The following PTCHD4 variants were observed in gnomAD, a reference collection of about 807,000 sequenced individuals.
The protein encoded by PTCHD4 is patched domain containing 4.
A neutral mutation model predicts 58.1 loss-of-function variants in PTCHD4; 33 were observed. The observed-to-expected ratio is 0.57, with a 90% confidence interval of 0.43 to 0.76. The LOEUF (loss-of-function observed/expected upper bound fraction) is 0.76, where lower values mean the gene tolerates loss of function less well. Among genes scored for constraint, PTCHD4 ranks in the 30% least tolerant of loss-of-function variants. PTCHD4 has a pLI of 0.00. For synonymous variants in PTCHD4, 478 were observed against 409.6 expected (o/e 1.17, Z -2.02); for missense variants, 1,058 against 1,027.1 (o/e 1.03, Z -0.41).
intron 4 of PTCHD4, among the ~76,000 whole-genome samples, chr6:47,992,165 A>C (rs932766834): frequency 6.6e-6 from 1 of 152,166 alleles, no homozygotes; most frequent in Admixed American, 6.5e-5. Flanking sequence ...ATGAAGCTAT[A>C]GTAATATTAG....
At chr6:48,076,442 G>T (rs1372930981) in intron 1 of PTCHD4, among the ~76,000 whole-genome samples, 4 of 152,156 alleles carry the variant, frequency 2.6e-5, no homozygotes, top group Non-Finnish European at 5.9e-5. Flanking sequence ...AAGGTTTTCA[G>T]TTTACTTTGC....
intron 4 of PTCHD4, among the ~76,000 whole-genome samples, chr6:47,899,368 CT>C (rs1197246689): frequency 6.6e-6 from 1 of 152,150 alleles, no homozygotes; most frequent in African/African-American, 2.4e-5. Flanking sequence ...AATATTTCCC[CT>C]GATGGACACC....
chr6:47,976,789 A>G (rs2114001007), intron 4 of PTCHD4, among the ~76,000 whole-genome samples: 1 of 152,148 alleles, frequency 6.6e-6, no homozygotes, highest in South Asian at 2.1e-4. Context: ...AAAAATTTAT[A>G]TTATCAATAT....
intron 4 of PTCHD4, among the ~76,000 whole-genome samples, chr6:47,892,272 T>G (rs529672590): frequency 6.6e-6 from 1 of 152,256 alleles, no homozygotes; most frequent in South Asian, 2.1e-4. Flanking sequence ...GCATATACTT[T>G]AAAAATTAAG....
intron 4 of PTCHD4, among the ~76,000 whole-genome samples, chr6:47,977,053 A>G (rs940862617): frequency 6.6e-6 from 1 of 152,184 alleles, no homozygotes; most frequent in African/African-American, 2.4e-5. Flanking sequence ...GGAGTTTATC[A>G]TAAGGGAATA....
chr6:47,956,160 G>A (rs1053338692), intron 4 of PTCHD4, among the ~76,000 whole-genome samples: 1 of 152,186 alleles, frequency 6.6e-6, no homozygotes, highest in African/African-American at 2.4e-5. Flanking sequence ...CATGAGTGGA[G>A]AGTAAGCTTA....
intron 3 of PTCHD4, among the ~76,000 whole-genome samples, chr6:48,055,498 A>G (rs1214264398): frequency 6.6e-6 from 1 of 152,206 alleles, no homozygotes; most frequent in Non-Finnish European, 1.5e-5. Flanking sequence ...ATAAATTTGA[A>G]CACTGCTTTG....
chr6:47,898,381 C>T (rs1443177641), intron 4 of PTCHD4, among the ~76,000 whole-genome samples: 5 of 152,170 alleles, frequency 3.3e-5, no homozygotes, highest in African/African-American at 1.2e-4. Context: ...GCATAAAAAG[C>T]ACCACTTCCA....
At chr6:47,944,942 G>A (rs1462174910) in intron 4 of PTCHD4, among the ~76,000 whole-genome samples, 4 of 151,996 alleles carry the variant, frequency 2.6e-5, no homozygotes, top group Non-Finnish European at 5.9e-5. Flanking sequence ...CTGTAAGAAA[G>A]GATCCATTTG....
Position 47,980,856 on chromosome 6 carries a change from T to A in PTCHD4, c.898+27778A>T, listed in dbSNP as rs181973564. Among the ~76,000 whole-genome samples the A allele has an allele frequency of 1.4e-4, 22 of 152,036 alleles. No homozygotes were observed. In the East Asian group the frequency reaches 4.2e-3, roughly 29 times the overall value. ...TTTGTCAAATAAATATATATATATT[T>A]AACATTTTAATATTTATAATAGTTG... is the stretch of plus-strand genomic sequence containing the variant. On this transcript the variant is annotated intron_variant, in intron 4 of 4. Transcript: ENST00000339488.
intron 1 of PTCHD4, among the ~76,000 whole-genome samples, chr6:48,098,116 G>A (rs924589531): frequency 1.3e-5 from 2 of 152,028 alleles, no homozygotes; most frequent in Non-Finnish European, 2.9e-5. Context: ...TGGACATCAG[G>A]AAAAGCCCAG....
Position 47,879,664 on chromosome 6 carries a change from CA to C in PTCHD4, c.1170del (p.Gly391AlafsTer3). ...TGGTAGCGGTTTTGCTCTAGTTGGC[CA>C]GCAAAGACCAGACAGGAGCCAAAGA... ...FSFFGSCLVF[A>X]GQLEQNRYHS... On this transcript the variant is annotated frameshift_variant, in exon 5 of 5. Coordinates refer to ENST00000339488, the MANE Select transcript of PTCHD4 (RefSeq NM_001384253.1). LOFTEE classifies it high-confidence loss of function. 1.2e-6 allele frequency: 2 copies of C among 1,613,418 alleles called. No individual in the cohort carries two copies. Among genetic ancestry groups the C allele is most frequent in the Non-Finnish European group, 1.7e-6 (2 of 1,179,688 alleles).
rs963056133 is a variant in PTCHD4 at position 48,068,664 on chromosome 6, T to C, written c.6-23A>G. 28 of 1,526,822 alleles carry C rather than the reference T, an allele frequency of 1.8e-5. No homozygotes were observed. The highest frequency in any genetic ancestry group is 2.1e-5 in the Non-Finnish European group (24 of 1,141,562). The allele number at this position is 1,526,822 out of a possible 1,614,324, so 94.6% of individuals were successfully genotyped here. ...CGTCTTAAAAAGCACATGTGACATG[T>C]GTAAGCGCCGGGCTACCCCGTTCTC... On this transcript the variant is annotated intron_variant, in intron 2 of 4. Coordinates refer to ENST00000339488, the MANE Select transcript of PTCHD4 (RefSeq NM_001384253.1). The surrounding 1 kb of genome is among the most constrained non-coding windows in gnomAD (Gnocchi z 4.2).
intron 4 of PTCHD4, among the ~76,000 whole-genome samples, chr6:47,968,216 G>A (rs1186579516): frequency 6.7e-6 from 1 of 149,820 alleles, no homozygotes; most frequent in African/African-American, 2.5e-5. Flanking sequence ...CAAGGAGAGT[G>A]GGGGAGATGA....
chr6:48,024,845 A>G (rs1303736353), intron 3 of PTCHD4, among the ~76,000 whole-genome samples: 2 of 152,166 alleles, frequency 1.3e-5, no homozygotes, highest in African/African-American at 2.4e-5. Flanking sequence ...AATTAAAAGC[A>G]TCTGGTGCAG....
Position 47,931,075 on chromosome 6 carries a change from G to A in PTCHD4, c.899-51139C>T, listed in dbSNP as rs577966870. On this transcript the variant is annotated intron_variant, in intron 4 of 4. Coordinates refer to ENST00000339488, the MANE Select transcript of PTCHD4 (RefSeq NM_001384253.1). ...GCTGGGATTACAGGCGTGAGCCACCGCACCCGGCCGAGCATTGTGTTTTAT... is the reference window on the plus strand; with the variant it reads ...GCTGGGATTACAGGCGTGAGCCACCACACCCGGCCGAGCATTGTGTTTTAT... Among the ~76,000 whole-genome samples the A allele has an allele frequency of 3.9e-5, 6 of 152,312 alleles. No homozygotes were observed. The East Asian group carries it at 5.8e-4, about 15-fold the overall frequency.
intron 4 of PTCHD4, among the ~76,000 whole-genome samples, chr6:47,984,640 T>G (rs535457729): frequency 6.6e-6 from 1 of 152,212 alleles, no homozygotes; most frequent in East Asian, 1.9e-4. Flanking sequence ...CATATAAAGG[T>G]TCAGTGCAGA....
At chr6:47,983,819 T>C (rs1767971998) in intron 4 of PTCHD4, among the ~76,000 whole-genome samples, 1 of 152,208 alleles carries the variant, frequency 6.6e-6, no homozygotes, top group Non-Finnish European at 1.5e-5. Flanking sequence ...AGGATAATTC[T>C]AGATTGTTGC....
chr6:47,919,135 A>T (rs1396545279), intron 4 of PTCHD4, among the ~76,000 whole-genome samples: 1 of 152,176 alleles, frequency 6.6e-6, no homozygotes, highest in Non-Finnish European at 1.5e-5. Flanking sequence ...AGTTTTGATT[A>T]TAAGTACCAT....
Sources: gnomAD v4.1 joint callset for allele counts (sites outside exome capture counted in the v4.1 genomes callset) on GRCh38, gnomAD v4.1.1 for gene constraint, Gnocchi (gnomAD v3.1) non-coding constraint, MANE v1.5 for transcripts, NCBI Gene and HGNC (gene_info 2026-07-23, HGNC 2026-07-21) for gene names.